The following NRG3 variants were observed in gnomAD, a reference collection of about 807,000 sequenced individuals.
NRG3 encodes neuregulin 3.
Under a neutral mutation model 66.9 loss-of-function variants are expected in NRG3, and 31 were observed. The ratio of observed to expected loss-of-function variants is 0.46; its 90% CI spans 0.35 to 0.63. NRG3 has a LOEUF of 0.63. NRG3 is among the 20% of genes least tolerant of loss of function. The pLI, the probability that NRG3 is intolerant of heterozygous loss-of-function variation, is 0.00. For missense variants in NRG3, 910 were observed against 878.9 expected (o/e 1.04, Z -0.45); for synonymous variants, 393 against 359.4 (o/e 1.09, Z -1.06).
At chr10:82,836,535 T>G (rs1239360190) in intron 3 of NRG3, among the ~76,000 whole-genome samples, 1 of 152,172 alleles carries the variant, frequency 6.6e-6, no homozygotes, top group African/African-American at 2.4e-5. Context: ...AAAACTTCAA[T>G]AACTGAACAC....
intron 2 of NRG3, among the ~76,000 whole-genome samples, chr10:82,455,583 C>T (rs2091229835): frequency 1.3e-5 from 2 of 150,788 alleles, no homozygotes; most frequent in Non-Finnish European, 3.0e-5. Context: ...CTATGGACTT[C>T]ATAAACACTG....
chr10:82,671,253 T>C (rs542611526), intron 2 of NRG3, among the ~76,000 whole-genome samples: 1 of 152,326 alleles, frequency 6.6e-6, no homozygotes, highest in East Asian at 1.9e-4. Context: ...TAAGCTCCAG[T>C]TGTTACAGGA....
intron 1 of NRG3, among the ~76,000 whole-genome samples, chr10:82,019,659 G>T (rs2061966933): frequency 6.6e-6 from 1 of 152,134 alleles, no homozygotes; most frequent in African/African-American, 2.4e-5. Flanking sequence ...TCCTGGTTTA[G>T]TCTTGGGAGG....
chr10:82,453,964 A>C lies in NRG3; in HGVS notation c.953+95096A>C, dbSNP rs150128086. On this transcript the variant is annotated intron_variant, in intron 2 of 8. Coordinates refer to ENST00000372141, the MANE Select transcript of NRG3 (RefSeq NM_001010848.4). ...AAGTTCCACAGTGAGATAGTCATAA[A>C]ATTGGAACTGGAACTCAGGACTGTC... Among the ~76,000 whole-genome samples, 441 of 152,338 alleles carry C rather than the reference A, an allele frequency of 2.9e-3. 2 individuals are homozygous for C. Among genetic ancestry groups the C allele is most frequent in the African/African-American group, 0.01 (434 of 41,580 alleles).
chr10:82,726,663 A>T (rs2057619953), intron 2 of NRG3, among the ~76,000 whole-genome samples: 1 of 152,176 alleles, frequency 6.6e-6, no homozygotes, highest in Non-Finnish European at 1.5e-5. Context: ...CAGCAGAGTG[A>T]AAATGGACTA....
intron 2 of NRG3, among the ~76,000 whole-genome samples, chr10:82,720,138 CT>C (rs370620615): frequency 5.9e-5 from 9 of 152,276 alleles, no homozygotes; most frequent in African/African-American, 2.2e-4. Flanking sequence ...GCCTGTAATC[CT>C]AGCACTTCGG....
intron 1 of NRG3, among the ~76,000 whole-genome samples, chr10:82,193,386 C>T (rs906679898): frequency 2.0e-5 from 3 of 152,076 alleles, no homozygotes; most frequent in African/African-American, 7.2e-5. Context: ...CAAGTAATCC[C>T]CCTGCCTCGA....
intron 2 of NRG3, among the ~76,000 whole-genome samples, chr10:82,721,780 T>A (rs146295086): frequency 8.7e-4 from 132 of 152,258 alleles, no homozygotes; most frequent in Non-Finnish European, 2.2e-4. Context: ...TGAGAGAATA[T>A]CCCCTACGTT....
intron 2 of NRG3, among the ~76,000 whole-genome samples, chr10:82,724,142 T>G (rs2134551941): frequency 6.6e-6 from 1 of 151,870 alleles, no homozygotes; most frequent in Admixed American, 6.6e-5. Context: ...ATTCCCTGGT[T>G]TTCCCCCAAC....
rs193177799 is a variant in NRG3, at chr10:82,676,129, C to T, written c.954-62448C>T. 2.8e-4 allele frequency among the ~76,000 whole-genome samples: 43 copies of T among 152,128 alleles called. 1 individual carries two copies. The highest frequency in any genetic ancestry group is 1.8e-3 in the Admixed American group (28 of 15,294). ...CAGTAAAGAAAGAGTTTCATTGACA[C>T]GAGGCCAGCCACACTATGTAGAAGA... is the stretch of plus-strand genomic sequence containing the variant. On this transcript the variant is annotated intron_variant, in intron 2 of 8. Transcript: ENST00000372141.
At chr10:82,841,015 T>C (rs1036993659) in intron 3 of NRG3, among the ~76,000 whole-genome samples, 1 of 152,088 alleles carries the variant, frequency 6.6e-6, no homozygotes, top group South Asian at 2.1e-4. Flanking sequence ...TCATACAGGA[T>C]TAATTGGGCC....
chr10:82,322,602 A>T (rs145108237), intron 1 of NRG3, among the ~76,000 whole-genome samples: 284 of 152,258 alleles, frequency 1.9e-3, no homozygotes, highest in African/African-American at 6.4e-3. Context: ...TGGCACATAT[A>T]ACCTTCATTG....
chr10:82,236,566 G>A (rs530511552), intron 1 of NRG3, among the ~76,000 whole-genome samples: 2 of 152,138 alleles, frequency 1.3e-5, no homozygotes, highest in South Asian at 2.1e-4. Flanking sequence ...TTAAGGCCTC[G>A]GAAATATATC....
At chr10:82,310,076 T>C (rs1846527154) in intron 1 of NRG3, among the ~76,000 whole-genome samples, 1 of 152,186 alleles carries the variant, frequency 6.6e-6, no homozygotes, top group Non-Finnish European at 1.5e-5. Context: ...TTCCCTTAAC[T>C]GGTTTCTTCA....
intron 2 of NRG3, among the ~76,000 whole-genome samples, chr10:82,491,293 A>AAT (rs10652539): frequency 0.098 from 8,025 of 82,128 alleles, 968 homozygotes; most frequent in African/African-American, 0.26. Flanking sequence ...GTTCCCATAA[A>AAT]ATATATATAT....
At chr10:82,762,467 T>A (rs1253597550) in intron 3 of NRG3, among the ~76,000 whole-genome samples, 1 of 152,158 alleles carries the variant, frequency 6.6e-6, no homozygotes, top group Non-Finnish European at 1.5e-5. Context: ...GCAAACTCAA[T>A]TCATTGAATA....
intron 1 of NRG3, among the ~76,000 whole-genome samples, chr10:81,912,132 T>G (rs1845229649): frequency 6.6e-6 from 1 of 152,178 alleles, no homozygotes; most frequent in African/African-American, 2.4e-5. Context: ...TTCTTTTACT[T>G]TTTGTATTTT....
chr10:82,840,447 A>G (rs180836174), intron 3 of NRG3, among the ~76,000 whole-genome samples: 4 of 152,242 alleles, frequency 2.6e-5, no homozygotes, highest in African/African-American at 7.2e-5. Flanking sequence ...ACATCTCTGA[A>G]AGGTGGATTC....
At chr10:82,617,112 A>G (rs1414339669) in intron 2 of NRG3, among the ~76,000 whole-genome samples, 2 of 152,066 alleles carry the variant, frequency 1.3e-5, no homozygotes, top group African/African-American at 4.8e-5. Context: ...CTGCCTATGC[A>G]ACCTTGAAGA....
Sources: allele counts gnomAD v4.1 joint callset (sites outside exome capture counted in the v4.1 genomes callset), GRCh38; gene constraint gnomAD v4.1.1; transcripts MANE v1.5; gene names NCBI Gene and HGNC (gene_info 2026-07-23, HGNC 2026-07-21).